Variants in SCRG1 observed in about 807,000 individuals in gnomAD.
SCRG1 encodes stimulator of chondrogenesis 1, also known as scrapie-responsive protein 1.
SCRG1 carries 3 observed loss-of-function variants against 7.7 expected under a neutral mutation model. The ratio of observed to expected loss-of-function variants is 0.39; its 90% confidence interval spans 0.18 to 1.01. SCRG1 has a LOEUF of 1.01. Ranked by LOEUF, SCRG1 falls within the 50% of genes least tolerant of loss-of-function variation. The pLI, the probability that SCRG1 is intolerant of heterozygous loss-of-function variation, is 0.36. For missense variants in SCRG1, 110 were observed against 117.2 expected (o/e 0.94, Z 0.28); for synonymous variants, 46 against 41.2 (o/e 1.12, Z -0.44).
the SCRG1 span, among the ~76,000 whole-genome samples, chr4:173,483,177 A>G: frequency 8.1e-6 from 1 of 123,410 alleles, no homozygotes; most frequent in African/African-American, 3.3e-5. Context: ...TATAACATAT[A>G]ATATATTATA....
At chr4:173,409,363 G>A (rs1156275159), upstream of SCRG1, among the ~76,000 whole-genome samples, 4 of 152,126 alleles carry the variant, frequency 2.6e-5, no homozygotes, top group Non-Finnish European at 1.5e-5. Flanking sequence ...GGGCCCTTCA[G>A]ATGCTTAGCT....
chr4:173,425,145 T>C, the SCRG1 span, among the ~76,000 whole-genome samples: 1 of 152,170 alleles, frequency 6.6e-6, no homozygotes, highest in African/African-American at 2.4e-5. Context: ...TTCTGTAACA[T>C]CATTGGAAAA....
the SCRG1 span, among the ~76,000 whole-genome samples, chr4:173,509,543 T>A: frequency 6.6e-6 from 1 of 152,186 alleles, no homozygotes; most frequent in Admixed American, 6.5e-5. The surrounding 1 kb of genome is among the most constrained non-coding windows in gnomAD (Gnocchi z 5.7). Context: ...TCCCCAGGGC[T>A]GTGCGCTTCG....
chr4:173,466,202 G>T, the SCRG1 span, among the ~76,000 whole-genome samples: 1 of 152,134 alleles, frequency 6.6e-6, no homozygotes, highest in African/African-American at 2.4e-5. Flanking sequence ...ACATAAATTT[G>T]TCCTAAGCAA....
At chr4:173,424,156 C>T in the SCRG1 span, among the ~76,000 whole-genome samples, 1 of 152,106 alleles carries the variant, frequency 6.6e-6, no homozygotes. Flanking sequence ...ATATACAGCT[C>T]ATATTGAGGG....
intron 2 of SCRG1, chr4:173,389,871 A>G (rs890117642): frequency 1.6e-5 from 7 of 436,176 alleles, no homozygotes; most frequent in African/African-American, 1.0e-4. Flanking sequence ...GATTTCTTAG[A>G]AGGATGAAAA....
chr4:173,418,294 G>A, the SCRG1 span, among the ~76,000 whole-genome samples: 2 of 152,132 alleles, frequency 1.3e-5, no homozygotes, highest in Non-Finnish European at 2.9e-5. Context: ...AGCTTTCAGT[G>A]GTGTGGTTTG....
the SCRG1 span, among the ~76,000 whole-genome samples, chr4:173,502,120 C>A: frequency 1.3e-5 from 2 of 152,116 alleles, no homozygotes; most frequent in East Asian, 3.9e-4. This position sits in a 1 kb window ranked among gnomAD's most constrained non-coding sequence, Gnocchi z 4.6. Context: ...TATAGTATTG[C>A]ACGCCTGGAC....
At chr4:173,435,792 G>T in the SCRG1 span, among the ~76,000 whole-genome samples, 109 of 152,284 alleles carry the variant, frequency 7.2e-4, no homozygotes, top group African/African-American at 2.5e-3. Flanking sequence ...GGCACTGCTG[G>T]TGCAGACCTG....
chr4:173,416,343 C>T, the SCRG1 span, among the ~76,000 whole-genome samples: 2 of 151,822 alleles, frequency 1.3e-5, no homozygotes, highest in East Asian at 1.9e-4. Context: ...ACCTCCCAAA[C>T]GATGCTCCCC....
At chr4:173,450,282 A>G in the SCRG1 span, among the ~76,000 whole-genome samples, 1 of 152,176 alleles carries the variant, frequency 6.6e-6, no homozygotes, top group African/African-American at 2.4e-5. Flanking sequence ...ATCTCCCACC[A>G]GGTCTTTCCT....
chr4:173,452,827 T>C, the SCRG1 span, among the ~76,000 whole-genome samples: 2 of 152,218 alleles, frequency 1.3e-5, no homozygotes, highest in African/African-American at 4.8e-5. Flanking sequence ...TCTTGTGTAC[T>C]TAGAATATAT....
the SCRG1 span, among the ~76,000 whole-genome samples, chr4:173,490,177 G>T: frequency 6.6e-6 from 1 of 152,112 alleles, no homozygotes; most frequent in Non-Finnish European, 1.5e-5. Flanking sequence ...CATTTGCAAG[G>T]ATTTAGTTTA....
chr4:173,454,013 G>A, the SCRG1 span, among the ~76,000 whole-genome samples: 3 of 151,932 alleles, frequency 2.0e-5, no homozygotes, highest in African/African-American at 7.3e-5. Context: ...GGGAGGTGGA[G>A]GTTGCACTGA....
chr4:173,491,962 T>G, the SCRG1 span, among the ~76,000 whole-genome samples: 1 of 151,868 alleles, frequency 6.6e-6, no homozygotes, highest in Non-Finnish European at 1.5e-5. Flanking sequence ...AGACTCCATC[T>G]CTACAATTTT....
At chr4:173,475,681 G>A in the SCRG1 span, among the ~76,000 whole-genome samples, 29 of 152,078 alleles carry the variant, frequency 1.9e-4, no homozygotes, top group African/African-American at 6.8e-4. Context: ...CAAAAAAGGT[G>A]GAAACAAGCC....
At chr4:173,417,171 T>C in the SCRG1 span, among the ~76,000 whole-genome samples, 1 of 151,910 alleles carries the variant, frequency 6.6e-6, no homozygotes, top group East Asian at 1.9e-4. Flanking sequence ...CACAGAGCCT[T>C]TGTCTTTTTA....
At chr4:173,442,631 CTGAG>C in the SCRG1 span, among the ~76,000 whole-genome samples, 2 of 152,138 alleles carry the variant, frequency 1.3e-5, no homozygotes, top group Admixed American at 6.5e-5. Context: ...ACACCACAGA[CTGAG>C]TAATTTGTAA....
the SCRG1 span, among the ~76,000 whole-genome samples, chr4:173,484,462 A>G: frequency 0.052 from 1,076 of 20,850 alleles, 27 homozygotes; most frequent in East Asian, 0.24. Flanking sequence ...TATATTATAT[A>G]CATATAATAT....
Sources: gnomAD v4.1 joint callset for allele counts (sites outside exome capture counted in the v4.1 genomes callset) on GRCh38, gnomAD v4.1.1 for gene constraint, Gnocchi (gnomAD v3.1) non-coding constraint, MANE v1.5 for transcripts, NCBI Gene and HGNC (gene_info 2026-07-23, HGNC 2026-07-21) for gene names.